Variants in LRBA observed in about 807,000 individuals in gnomAD.
LRBA encodes LPS responsive beige-like anchor protein.
In LRBA, 176 loss-of-function variants were observed where a neutral mutation model predicts 330.0. The observed-to-expected ratio is 0.53, with a 90% CI of 0.47 to 0.60. The LOEUF is 0.60. LRBA is among the 20% of genes least tolerant of loss of function. The pLI, the probability that LRBA is intolerant of heterozygous loss-of-function variation, is 0.00. For synonymous variants in LRBA, 1,230 were observed against 1,193.0 expected (o/e 1.03, Z -0.64); for missense variants, 3,259 against 3,444.8 (o/e 0.95, Z 1.35).
In LRBA at chr4:150,661,469, C is replaced by CAA. The variant is rs563120801; in HGVS notation, c.5921+22080_5921+22081dup. On this transcript the variant is annotated intron_variant, in intron 37 of 56. Transcript: ENST00000651943. The stretch of plus-strand genomic sequence containing the variant: ...TGGGCAACACAGCGAGACTCTGTCT[C>CAA]AAAAAAAAAAAAAAAAAAGAAGAAA... Among the ~76,000 whole-genome samples the CAA allele has an allele frequency of 3.8e-3, 248 of 64,906 alleles. 3 individuals are homozygous for CAA. The highest frequency in any genetic ancestry group is 0.011 in the African/African-American group (228 of 20,098). The allele number at this position is 64,906 out of a possible 152,430, so 42.6% of individuals were successfully genotyped here. A position where few individuals can be genotyped will look rare whatever the true frequency, so the allele number is the denominator to read the frequency against.
chr4:150,914,105 T>C, intron 9 of LRBA, 90 bp downstream of exon 9: 2 of 982,970 alleles, frequency 2.0e-6, no homozygotes, highest in East Asian at 2.6e-5. Flanking sequence ...TTTTTTTTTT[T>C]GTATCCATTA....
At chr4:150,737,029 T>G (rs114012539) in intron 35 of LRBA, among the ~76,000 whole-genome samples, 2,187 of 152,184 alleles carry the variant, frequency 0.014, 50 homozygotes, top group African/African-American at 0.05. Flanking sequence ...GCCTTGGCAA[T>G]GTAGTGAGAT....
intron 46 of LRBA, among the ~76,000 whole-genome samples, chr4:150,429,092 A>G (rs1228986421): frequency 6.6e-6 from 1 of 152,144 alleles, no homozygotes; most frequent in Non-Finnish European, 1.5e-5. Flanking sequence ...CATAATAAAC[A>G]AATCAATAAG....
intron 2 of LRBA, among the ~76,000 whole-genome samples, chr4:150,953,778 C>T (rs1307266096): frequency 3.3e-5 from 5 of 151,650 alleles, no homozygotes; most frequent in African/African-American, 1.2e-4. Context: ...TCTGCCCGGC[C>T]GCCACCCCGT....
At chr4:150,958,977 C>A (rs556372586) in intron 2 of LRBA, among the ~76,000 whole-genome samples, 4 of 149,410 alleles carry the variant, frequency 2.7e-5, no homozygotes, top group Non-Finnish European at 5.9e-5. Context: ...CTTCCTGTTA[C>A]CCACTTCCAA....
chr4:150,944,638 T>C (rs1487254230), intron 2 of LRBA, among the ~76,000 whole-genome samples: 1 of 152,068 alleles, frequency 6.6e-6, no homozygotes, highest in African/African-American at 2.4e-5. Flanking sequence ...AACAAAAAGA[T>C]ATAGCCAGGC....
chr4:150,667,902 C>G (rs931156243), intron 37 of LRBA, among the ~76,000 whole-genome samples: 1 of 152,196 alleles, frequency 6.6e-6, no homozygotes, highest in Non-Finnish European at 1.5e-5. Flanking sequence ...TAAGACAAGC[C>G]TCCAGAGGAA....
intron 37 of LRBA, among the ~76,000 whole-genome samples, chr4:150,648,158 C>CAAAAAAAAAAAAAAAAA: frequency 0.01 from 184 of 17,988 alleles, 15 homozygotes; most frequent in African/African-American, 0.016. Context: ...ACACAAGTAG[C>CAAAAAAAAAAAAAAAAA]AAAAAAAAAA....
In LRBA at chr4:150,313,792, C is replaced by A. The variant is rs528854693; in HGVS notation, c.7693+1769G>T. Reference sequence around the variant, plus strand: ...GATTGAGATATCTTGGGGATGATAGCCAAGTCTAAACACAAAATTAATTTG... The same window carrying A: ...GATTGAGATATCTTGGGGATGATAGACAAGTCTAAACACAAAATTAATTTG... On this transcript the variant is annotated intron_variant, in intron 51 of 56. Transcript: ENST00000651943. 4.8e-5 allele frequency among the ~76,000 whole-genome samples: 7 copies of A among 146,362 alleles called. No individual in the cohort carries two copies. The South Asian group carries it at 1.3e-3, about 28-fold the overall frequency.
chr4:150,741,400 G>C (rs1731953107), intron 35 of LRBA, among the ~76,000 whole-genome samples: 1 of 152,092 alleles, frequency 6.6e-6, no homozygotes, highest in Non-Finnish European at 1.5e-5. Flanking sequence ...ATAAGATTAT[G>C]AAAAGTTGTT....
At chr4:150,514,011 A>G (rs959398612) in intron 40 of LRBA, among the ~76,000 whole-genome samples, 1 of 152,046 alleles carries the variant, frequency 6.6e-6, no homozygotes, top group African/African-American at 2.4e-5. Context: ...CATCTAAGAA[A>G]CTGTGGCAAG....
intron 36 of LRBA, among the ~76,000 whole-genome samples, chr4:150,685,684 C>G (rs1393542200): frequency 6.6e-6 from 1 of 151,398 alleles, no homozygotes; most frequent in Non-Finnish European, 1.5e-5. Flanking sequence ...ATCCACCTGC[C>G]TCGGCCTCCA....
chr4:150,821,563 T>C (rs1264355929), intron 30 of LRBA, among the ~76,000 whole-genome samples: 2 of 152,140 alleles, frequency 1.3e-5, no homozygotes, highest in African/African-American at 4.8e-5. Flanking sequence ...ATAGCAACAA[T>C]GCCTTCCCGA....
At chr4:150,433,729 T>C (rs1750735669) in intron 46 of LRBA, among the ~76,000 whole-genome samples, 1 of 152,178 alleles carries the variant, frequency 6.6e-6, no homozygotes. Context: ...GCTTTGAGAT[T>C]AGAGGTAAAA....
chr4:150,441,381 G>A (rs904161959), intron 44 of LRBA, among the ~76,000 whole-genome samples: 2 of 151,876 alleles, frequency 1.3e-5, no homozygotes, highest in African/African-American at 4.8e-5. Context: ...AAATCCAGGG[G>A]CCTCCAAATT....
intron 36 of LRBA, among the ~76,000 whole-genome samples, chr4:150,695,672 A>G (rs1385369017): frequency 1.3e-5 from 2 of 152,194 alleles, no homozygotes; most frequent in Non-Finnish European, 2.9e-5. Context: ...ATGGATCCAG[A>G]GGGATGACTG....
intron 22 of LRBA, among the ~76,000 whole-genome samples, chr4:150,858,432 ACACT>A (rs1428668176): frequency 2.0e-5 from 3 of 152,138 alleles, no homozygotes; most frequent in Non-Finnish European, 2.9e-5. Flanking sequence ...ACACACACAA[ACACT>A]CACACAGAAA....
At chr4:150,412,386 G>A (rs902810208) in intron 47 of LRBA, among the ~76,000 whole-genome samples, 7 of 152,138 alleles carry the variant, frequency 4.6e-5, no homozygotes, top group African/African-American at 1.7e-4. Context: ...CAAGTTTAGA[G>A]CGTGGGTAGC....
Position 150,350,151 on chromosome 4 carries a change from C to T in LRBA, c.7203G>A (p.Glu2401=). 1 of 1,567,710 alleles carries T rather than the reference C, an allele frequency of 6.4e-7. No homozygotes were observed. Among genetic ancestry groups the T allele is most frequent in the Non-Finnish European group, 8.6e-7 (1 of 1,162,712 alleles). Residue 2401 remains glutamate (E), a synonymous_variant, in exon 48 of 57, where the codon GAG becomes GAA. Transcript: ENST00000651943. ...GAAGCTGGCAGGAAACAAATTCACTCTCCAGGGCCTGAAAAAAGGTATACA... is the reference window on the plus strand; with the variant it reads ...GAAGCTGGCAGGAAACAAATTCACTTTCCAGGGCCTGAAAAAAGGTATACA... ...EFVHINRLAL[E]SEFVSCQLHQ...
Sources: gnomAD v4.1 joint callset for allele counts (sites outside exome capture counted in the v4.1 genomes callset) on GRCh38, gnomAD v4.1.1 for gene constraint, MANE v1.5 for transcripts, NCBI Gene and HGNC (gene_info 2026-07-23, HGNC 2026-07-21) for gene names.